Variants in ITGB6 observed in about 807,000 individuals in gnomAD.
The protein encoded by ITGB6 is integrin beta-6.
Under a neutral mutation model 84.5 loss-of-function variants are expected in ITGB6, and 80 were observed. That is an observed-to-expected ratio of 0.95 (90% CI 0.79 to 1.14). The LOEUF is 1.14. ITGB6 is among the 50% of genes most tolerant of loss of function. The pLI, the probability that ITGB6 is intolerant of heterozygous loss-of-function variation, is 0.00. For synonymous variants in ITGB6, 383 were observed against 354.9 expected, an observed-to-expected ratio of 1.08 and a Z score of -0.89; for missense variants, 1,006 against 968.0, an observed-to-expected ratio of 1.04 and a Z score of -0.52.
At chr2:160,167,629 T>A (rs1024122002) in intron 7 of ITGB6, among the ~76,000 whole-genome samples, 1 of 152,222 alleles carries the variant, frequency 6.6e-6, no homozygotes, top group Non-Finnish European at 1.5e-5. Context: ...TCGGAAATGA[T>A]CATTTCCCTT....
At chr2:160,127,064 CTT>C (rs2105802566) in intron 10 of ITGB6, among the ~76,000 whole-genome samples, 1 of 152,284 alleles carries the variant, frequency 6.6e-6, no homozygotes, top group South Asian at 2.1e-4. Flanking sequence ...AAAGCAGACT[CTT>C]TGTAGCAATA....
At chr2:160,184,532 C>A (rs1033145978) in intron 4 of ITGB6, among the ~76,000 whole-genome samples, 1 of 152,106 alleles carries the variant, frequency 6.6e-6, no homozygotes, top group Non-Finnish European at 1.5e-5. Context: ...GGATTCACAG[C>A]CAAATTCTAC....
intron 7 of ITGB6, among the ~76,000 whole-genome samples, 182 bp from the exon 8 acceptor site, chr2:160,142,253 A>G (rs929503937): frequency 2.0e-5 from 3 of 152,174 alleles, no homozygotes; most frequent in African/African-American, 7.2e-5. Context: ...CCTGTGCTCA[A>G]GTGGAAAATG....
intron 4 of ITGB6, among the ~76,000 whole-genome samples, chr2:160,185,212 A>T (rs572528609): frequency 6.6e-6 from 1 of 152,332 alleles, no homozygotes; most frequent in Non-Finnish European, 1.5e-5. Flanking sequence ...AGATGACAAG[A>T]TTGTATATTT....
At chr2:160,193,152 G>T (rs1192051190) in intron 4 of ITGB6, among the ~76,000 whole-genome samples, 3 of 152,114 alleles carry the variant, frequency 2.0e-5, no homozygotes, top group African/African-American at 7.2e-5. Context: ...AGAAGTAAAA[G>T]TATACATCTA....
At chr2:160,172,016 A>G (rs1381936560) in intron 6 of ITGB6, among the ~76,000 whole-genome samples, 1 of 152,232 alleles carries the variant, frequency 6.6e-6, no homozygotes, top group Non-Finnish European at 1.5e-5. Context: ...TCTATTGAGG[A>G]GATCATGCAT....
chr2:160,128,772 C>T (rs1330773998), intron 10 of ITGB6, among the ~76,000 whole-genome samples: 3 of 152,036 alleles, frequency 2.0e-5, no homozygotes, highest in Non-Finnish European at 4.4e-5. Context: ...TGGTCACTGC[C>T]GTGTCACCAA....
intron 11 of ITGB6, 63 bp downstream of exon 11, chr2:160,126,316 C>T: frequency 1.4e-6 from 2 of 1,458,396 alleles, no homozygotes; most frequent in South Asian, 2.3e-5. Context: ...TACAAAATGC[C>T]ACTGTAAGTT....
chr2:160,167,042 G>A (rs138015946), intron 7 of ITGB6, among the ~76,000 whole-genome samples: 2 of 152,278 alleles, frequency 1.3e-5, no homozygotes, highest in Middle Eastern at 3.4e-3. Flanking sequence ...CGTGTAACTC[G>A]GGCAAATAAT....
intron 4 of ITGB6, among the ~76,000 whole-genome samples, chr2:160,193,561 T>C (rs994496705): frequency 1.3e-5 from 2 of 152,218 alleles, no homozygotes; most frequent in Non-Finnish European, 2.9e-5. Flanking sequence ...TATTTAACCA[T>C]CAAAACACAT....
intron 10 of ITGB6, among the ~76,000 whole-genome samples, chr2:160,129,392 C>CAA (rs374921878): frequency 0.32 from 40,097 of 126,480 alleles, 6,710 homozygotes; most frequent in East Asian, 0.46. Flanking sequence ...TACTTTTCTT[C>CAA]AAAAAAAAAA....
At chr2:160,147,415 AT>A (rs1684239288) in intron 7 of ITGB6, among the ~76,000 whole-genome samples, 1 of 152,230 alleles carries the variant, frequency 6.6e-6, no homozygotes, top group Non-Finnish European at 1.5e-5. Flanking sequence ...TAATAATTTC[AT>A]TTATAGATTT....
intron 4 of ITGB6, among the ~76,000 whole-genome samples, chr2:160,193,095 A>G (rs1249351401): frequency 6.6e-6 from 1 of 152,198 alleles, no homozygotes; most frequent in Admixed American, 6.5e-5. Flanking sequence ...TTTAAAAAGT[A>G]GAAGTACCAT....
At chr2:160,179,323 C>A (rs1685565655) in intron 4 of ITGB6, among the ~76,000 whole-genome samples, 1 of 151,490 alleles carries the variant, frequency 6.6e-6, no homozygotes, top group African/African-American at 2.4e-5. Flanking sequence ...ACCATATACT[C>A]ATATATGTTT....
At chr2:160,150,068 C>G (rs1684351507) in intron 7 of ITGB6, among the ~76,000 whole-genome samples, 1 of 152,168 alleles carries the variant, frequency 6.6e-6, no homozygotes, top group Non-Finnish European at 1.5e-5. Flanking sequence ...CCCAACATAG[C>G]AAGGTAGGCC....
At chr2:160,189,073 G>C (rs2105890537) in intron 4 of ITGB6, among the ~76,000 whole-genome samples, 1 of 152,170 alleles carries the variant, frequency 6.6e-6, no homozygotes, top group African/African-American at 2.4e-5. Context: ...TCTGATCTTT[G>C]ACAAACCTGA....
At chr2:160,199,129 A>C in intron 2 of ITGB6, 50 bp downstream of exon 2, 2 of 1,429,092 alleles carry the variant, frequency 1.4e-6, no homozygotes, top group Non-Finnish European at 2.0e-6. Flanking sequence ...AATTAACATG[A>C]ATTTAACTGC....
chr2:160,172,385 C>A (rs1179805321), intron 6 of ITGB6, among the ~76,000 whole-genome samples, 184 bp downstream of exon 6: 1 of 152,206 alleles, frequency 6.6e-6, no homozygotes, highest in African/African-American at 2.4e-5. Context: ...TCCCACCGTC[C>A]ACCTATGCTC....
intron 10 of ITGB6, among the ~76,000 whole-genome samples, chr2:160,136,760 A>T (rs1206682639): frequency 6.6e-6 from 1 of 152,202 alleles, no homozygotes; most frequent in African/African-American, 2.4e-5. Flanking sequence ...AGGGACATGG[A>T]TGAAGCTGGA....
Sources: allele counts gnomAD v4.1 joint callset (sites outside exome capture counted in the v4.1 genomes callset), GRCh38; gene constraint gnomAD v4.1.1; transcripts MANE v1.5; gene names NCBI Gene and HGNC (gene_info 2026-07-23, HGNC 2026-07-21).